The following SRL variants were observed in gnomAD, a reference collection of about 807,000 sequenced individuals.
The protein encoded by SRL is sarcalumenin.
A neutral mutation model predicts 39.5 loss-of-function variants in SRL; 23 were observed. That is an observed-to-expected ratio of 0.58 (90% confidence interval 0.42 to 0.82). The LOEUF is 0.82. Ranked by LOEUF, SRL falls within the 40% of genes least tolerant of loss-of-function variation. The pLI is 0.00. For missense variants in SRL, 592 were observed against 607.8 expected (o/e 0.97, Z 0.27); for synonymous variants, 272 against 237.4 (o/e 1.15, Z -1.34).
chr16:4,195,631 C>T lies in SRL; in HGVS notation c.532G>A (p.Val178Ile). The change falls in exon 5 of 6, where the codon GTT becomes ATT. Residue 178 changes from valine to isoleucine, a missense_variant. Val to Ile is a conservative substitution (Grantham distance 29, BLOSUM62 3). Coordinates refer to ENST00000399609, the MANE Select transcript of SRL (RefSeq NM_001098814.2). ...ACCCTCTCCAGAAGTTTGTGGGGAA[C>T]CTCAATGCCAATCAGCTTCTCTAGG... is the stretch of plus-strand genomic sequence containing the variant. ...NFLEKLIGIE[V>I]PHKLLERVTF... The T allele has an allele frequency of 6.2e-7, 1 of 1,614,192 alleles. No individual in the cohort carries two copies. Among genetic ancestry groups the T allele is most frequent in the South Asian group, 1.1e-5 (1 of 91,084 alleles).
intron 1 of SRL, among the ~76,000 whole-genome samples, chr16:4,228,600 T>C (rs954851681): frequency 6.6e-6 from 1 of 150,592 alleles, no homozygotes; most frequent in Admixed American, 6.6e-5. Flanking sequence ...TCAGGCGTGG[T>C]GGCGGGCACC....
intron 1 of SRL, among the ~76,000 whole-genome samples, chr16:4,231,633 A>T (rs933166465): frequency 1.3e-5 from 2 of 152,036 alleles, no homozygotes; most frequent in African/African-American, 4.8e-5. Context: ...ATGGTTCTCT[A>T]TTCATGTCAT....
chr16:4,233,476 G>A (rs571901624), intron 1 of SRL, among the ~76,000 whole-genome samples: 11 of 152,128 alleles, frequency 7.2e-5, no homozygotes, highest in East Asian at 5.8e-4. Context: ...CTCCCTGCAC[G>A]TTGGGCTGAA....
intron 5 of SRL, among the ~76,000 whole-genome samples, chr16:4,194,660 C>T (rs1406192751): frequency 6.6e-6 from 1 of 152,154 alleles, no homozygotes; most frequent in Non-Finnish European, 1.5e-5. Flanking sequence ...CCAGCTTGAA[C>T]CTCTCAGAGC....
intron 1 of SRL, among the ~76,000 whole-genome samples, chr16:4,214,074 C>T (rs373256415): frequency 9.9e-5 from 15 of 152,226 alleles, no homozygotes; most frequent in African/African-American, 3.4e-4. Context: ...TACAGAACAC[C>T]AGCATTTCGG....
chr16:4,215,161 T>C (rs2141048156), intron 1 of SRL, among the ~76,000 whole-genome samples: 1 of 152,250 alleles, frequency 6.6e-6, no homozygotes, highest in East Asian at 1.9e-4. Context: ...GAGGAAGGCT[T>C]GTCTGCATTC....
intron 1 of SRL, among the ~76,000 whole-genome samples, chr16:4,236,453 T>C (rs557387223): frequency 6.6e-6 from 1 of 152,294 alleles, no homozygotes; most frequent in African/African-American, 2.4e-5. Flanking sequence ...GATCAAGGAC[T>C]GGTCCTTGAA....
At chr16:4,203,406 A>G (rs374318326) in intron 2 of SRL, 145 bp from the exon 3 acceptor site, 24 of 631,020 alleles carry the variant, frequency 3.8e-5, no homozygotes, top group South Asian at 2.0e-4. Flanking sequence ...CGACTGTGCA[A>G]TGTATTTGCA....
intron 1 of SRL, among the ~76,000 whole-genome samples, chr16:4,235,864 G>T (rs543505438): frequency 7.9e-5 from 12 of 152,240 alleles, no homozygotes; most frequent in African/African-American, 2.9e-4. Flanking sequence ...CGAGGTGAGC[G>T]GATCTCGAGG....
intron 1 of SRL, among the ~76,000 whole-genome samples, chr16:4,234,003 CT>C (rs985403579): frequency 6.6e-6 from 1 of 151,860 alleles, no homozygotes; most frequent in Non-Finnish European, 1.5e-5. Context: ...TTCTCTCTCT[CT>C]TTTTTTTAAA....
intron 1 of SRL, chr16:4,239,513 C>T (rs1369466201): frequency 6.6e-6 from 1 of 152,312 alleles, no homozygotes; most frequent in Non-Finnish European, 1.5e-5. Flanking sequence ...AAATGAAATG[C>T]TTTCTCAGCA....
At chr16:4,241,983 G>A (rs2052777809) in intron 1 of SRL, 24 bp downstream of exon 1, 11 of 1,613,434 alleles carry the variant, frequency 6.8e-6, no homozygotes, top group Non-Finnish European at 8.5e-6. Context: ...AGTCTGGGCT[G>A]GGTCATGCTG....
At chr16:4,197,231 G>C (rs2052161391) in intron 4 of SRL, among the ~76,000 whole-genome samples, 1 of 150,910 alleles carries the variant, frequency 6.6e-6, no homozygotes, top group South Asian at 2.1e-4. Flanking sequence ...ATCACACCCA[G>C]CTAATTTTTT....
chr16:4,196,304 A>T (rs913868049), intron 4 of SRL, among the ~76,000 whole-genome samples: 1 of 152,044 alleles, frequency 6.6e-6, no homozygotes. Flanking sequence ...GTTCAGTGGC[A>T]TTAAGCACAT....
chr16:4,216,817 G>T (rs1039880362), intron 1 of SRL, among the ~76,000 whole-genome samples: 2 of 152,190 alleles, frequency 1.3e-5, no homozygotes, highest in African/African-American at 4.8e-5. Flanking sequence ...TTCTGAGACA[G>T]ACCAAGGCAG....
At chr16:4,234,267 T>A (rs1021495853) in intron 1 of SRL, among the ~76,000 whole-genome samples, 12 of 152,234 alleles carry the variant, frequency 7.9e-5, no homozygotes, top group African/African-American at 2.4e-4. Context: ...GTGCCGGGAT[T>A]ACAGGTGTGA....
chr16:4,191,749 T>C lies in SRL; in HGVS notation c.*404A>G, dbSNP rs2052068215. 2 of 171,320 alleles carry C rather than the reference T, an allele frequency of 1.2e-5. No homozygotes were observed. The highest frequency in any genetic ancestry group is 1.8e-4 in the South Asian group (1 of 5,432). The allele number at this position is 171,320 out of a possible 1,614,324, so 10.6% of individuals were successfully genotyped here. A position where few individuals can be genotyped will look rare whatever the true frequency, so the allele number is the denominator to read the frequency against. On this transcript the variant is annotated 3_prime_UTR_variant, in exon 6 of 6. Coordinates refer to ENST00000399609, the MANE Select transcript of SRL (RefSeq NM_001098814.2). ...GTGTGGAAAGAAGCCAAAATGGACC[T>C]GACAATCTCTACGACTCAGGCCTTC...
chr16:4,195,483 C>A, intron 5 of SRL, 70 bp downstream of exon 5: 1 of 1,431,098 alleles, frequency 7.0e-7, no homozygotes, highest in South Asian at 1.2e-5. Context: ...CAGGCATGAG[C>A]CATCATGCCT....
intron 1 of SRL, among the ~76,000 whole-genome samples, chr16:4,220,456 A>C (rs908725903): frequency 7.1e-6 from 1 of 140,604 alleles, no homozygotes; most frequent in Non-Finnish European, 1.5e-5. Context: ...GAAAAAAAAA[A>C]CACACACACA....
Sources: gnomAD v4.1 joint callset for allele counts (sites outside exome capture counted in the v4.1 genomes callset) on GRCh38, gnomAD v4.1.1 for gene constraint, MANE v1.5 for transcripts, NCBI Gene and HGNC (gene_info 2026-07-23, HGNC 2026-07-21) for gene names.